FPGS: variants seen among roughly 807,000 people sequenced by gnomAD.
The protein encoded by FPGS is folylpolyglutamate synthase, mitochondrial.
In FPGS, 53 loss-of-function variants were observed where a neutral mutation model predicts 66.5. The ratio of observed to expected loss-of-function variants is 0.80; its 90% CI spans 0.64 to 1.00. The LOEUF (loss-of-function observed/expected upper bound fraction) is 1.00. Ranked by LOEUF, FPGS falls within the 50% of genes least tolerant of loss-of-function variation. The pLI is 0.00. For missense variants in FPGS, 702 were observed against 807.7 expected, an observed-to-expected ratio of 0.87 and a Z score of 1.59; for synonymous variants, 348 against 350.9, an observed-to-expected ratio of 0.99 and a Z score of 0.09.
Position 127,807,196 on chromosome 9 carries a change from C to T in FPGS, c.502-13C>T. The T allele has an allele frequency of 1.2e-6, 2 of 1,613,984 alleles. No homozygotes were observed. Among genetic ancestry groups the T allele is most frequent in the African/African-American group, 1.3e-5 (1 of 75,038 alleles). On this transcript the variant is annotated splice_polypyrimidine_tract_variant and intron_variant, in intron 5 of 14. Coordinates refer to ENST00000373247, the MANE Select transcript of FPGS (RefSeq NM_004957.6). This position sits in a 1 kb window ranked among gnomAD's most constrained non-coding sequence, Gnocchi z 5.8. ...GCATGGGCTCTGGGCCCTGACATGT[C>T]CCTGTGCCACAGGATGGCAGCTGTG...
At position 127,813,550 on chromosome 9, in the gene FPGS, C is replaced by A; in HGVS notation, c.1710C>A (p.Ser570Arg). ...CCATCCATGTGCTAGTCACTGGCAG[C>A]CTGCACCTGGTGGGTGGTGTCCTGA... ...AAAIHVLVTGSLHLVGGVLKL... is the reference protein window; with the variant it reads ...AAAIHVLVTGRLHLVGGVLKL... Residue 570 changes from serine to arginine, a missense_variant, in exon 15 of 15, where the codon AGC (serine) becomes AGA (arginine). Around this residue, in one of 3 missense-constraint regions of FPGS, gnomAD observed 351 missense variants for 363.7 expected, o/e 0.97. Coordinates refer to ENST00000373247, the MANE Select transcript of FPGS (RefSeq NM_004957.6). 2 of 1,596,760 alleles carry A rather than the reference C, an allele frequency of 1.3e-6. No individual in the cohort carries two copies. The highest frequency in any genetic ancestry group is 1.7e-5 in the Admixed American group (1 of 58,406).
chr9:127,810,905 T>C, intron 13 of FPGS, 40 bp from the exon 14 acceptor site: 1 of 1,189,846 alleles, frequency 8.4e-7, no homozygotes, highest in Non-Finnish European at 1.2e-6. Context: ...TGGACATCCT[T>C]TCGGGGGTCT....
chr9:127,806,924 G>A, intron 4 of FPGS, 49 bp from the exon 5 acceptor site: 1 of 1,417,958 alleles, frequency 7.1e-7, no homozygotes. Context: ...GTGGGGGAAG[G>A]CCAGGACGCT....
rs577706096 is a variant in FPGS at position 127,805,499 on chromosome 9, C to T, written c.386+799C>T. The stretch of plus-strand genomic sequence containing the variant: ...AAAGTCCAGGTTGAGTGTGGTGGCT[C>T]ACAACTGTAATCCTAGCACTTTGGG... On this transcript the variant is annotated intron_variant, in intron 4 of 14. Coordinates refer to ENST00000373247, the MANE Select transcript of FPGS (RefSeq NM_004957.6). Among the ~76,000 whole-genome samples the T allele has an allele frequency of 4.6e-5, 7 of 151,950 alleles. No homozygotes were observed. The East Asian group carries it at 1.2e-3, about 25-fold the overall frequency.
At chr9:127,808,162 G>C in intron 8 of FPGS, 72 bp from the exon 9 acceptor site, 1 of 1,137,380 alleles carries the variant, frequency 8.8e-7, no homozygotes, top group African/African-American at 1.5e-5. Context: ...CCAGACCCAG[G>C]GATGTGGGGG....
At chr9:127,804,890 A>AT (rs771028462) in intron 4 of FPGS, 190 bp downstream of exon 4, 97,093 of 469,550 alleles carry the variant, frequency 0.21, 1,238 homozygotes, top group African/African-American at 0.26. Context: ...GCAACCTTTA[A>AT]TTTTTTTTTT....
rs1363243577 is a variant in FPGS at position 127,813,975 on chromosome 9, C to T, written c.*371C>T. 3 of 1,061,774 alleles carry T rather than the reference C, an allele frequency of 2.8e-6. No individual in the cohort carries two copies. Among genetic ancestry groups the T allele is most frequent in the South Asian group, 9.0e-5 (2 of 22,114 alleles). The allele number at this position is 1,061,774 out of a possible 1,614,324, so 65.8% of individuals were successfully genotyped here. On this transcript the variant is annotated 3_prime_UTR_variant, in exon 15 of 15. Transcript: ENST00000373247. ...GGTGGTAGATTTCCTCCTCCCAGTGCCTTCTGGGAAGGGAGAGGGCCTCTG... is the reference window on the plus strand; with the variant it reads ...GGTGGTAGATTTCCTCCTCCCAGTGTCTTCTGGGAAGGGAGAGGGCCTCTG...
intron 4 of FPGS, among the ~76,000 whole-genome samples, chr9:127,806,060 C>T (rs1216696793): frequency 6.6e-6 from 1 of 152,158 alleles, no homozygotes; most frequent in African/African-American, 2.4e-5. Flanking sequence ...CATAAGGCAC[C>T]AACCTGTCTT....
At chr9:127,806,662 A>C in intron 4 of FPGS, 1 of 365,304 alleles carries the variant, frequency 2.7e-6, no homozygotes, top group East Asian at 5.0e-5. Flanking sequence ...ATTGTGGGAC[A>C]GATGTCAGCA....
chr9:127,813,841 G>C lies in FPGS; in HGVS notation c.*237G>C, dbSNP rs1312007809. ...GCTCCCCGGGTCTCTCACTGTTGCAGTGGCCTGGCCGTTCAGCCTGTCTCC... is the reference window on the plus strand; with the variant it reads ...GCTCCCCGGGTCTCTCACTGTTGCACTGGCCTGGCCGTTCAGCCTGTCTCC... On this transcript the variant is annotated 3_prime_UTR_variant, in exon 15 of 15. Transcript: ENST00000373247. 1 of 1,248,390 alleles carries C rather than the reference G, an allele frequency of 8.0e-7. No homozygotes were observed. Among genetic ancestry groups the C allele is most frequent in the African/African-American group, 1.6e-5 (1 of 64,402 alleles). 77.3% of individuals were successfully genotyped at this position (1,248,390 alleles called of 1,614,324 possible).
In FPGS at chr9:127,804,494, C is replaced by T. The variant is rs374148312; in HGVS notation, c.268-5C>T. ...TGAGGCAGGGACCTTGTCTGTCTGT[C>T]CCAGGTGGAGGACTTGGACCGGCTG... On this transcript the variant is annotated splice_region_variant and splice_polypyrimidine_tract_variant and intron_variant, in intron 2 of 14. Transcript: ENST00000373247. The T allele has an allele frequency of 5.6e-6, 9 of 1,614,096 alleles. No homozygotes were observed. The highest frequency in any genetic ancestry group is 7.6e-6 in the Non-Finnish European group (9 of 1,179,978).
At position 127,804,859 on chromosome 9, in the gene FPGS, C is replaced by G; in HGVS notation, c.386+159C>G. 8 of 681,822 alleles carry G rather than the reference C, an allele frequency of 1.2e-5. 1 individual carries two copies. The highest frequency in any genetic ancestry group is 7.0e-5 in the South Asian group (4 of 56,990). 42.2% of individuals were successfully genotyped at this position (681,822 alleles called of 1,614,324 possible). A position where few individuals can be genotyped will look rare whatever the true frequency, so the allele number is the denominator to read the frequency against. On this transcript the variant is annotated intron_variant, in intron 4 of 14. Coordinates refer to ENST00000373247, the MANE Select transcript of FPGS (RefSeq NM_004957.6). The stretch of plus-strand genomic sequence containing the variant: ...TCAATAAACATTCAGTTAGCACTTA[C>G]CATATTGGCCCATGTTTATGGCAAC...
In FPGS at chr9:127,807,937, C is replaced by G. The variant is rs1291164501; in HGVS notation, c.744+249C>G. The G allele has an allele frequency of 1.9e-5, 11 of 565,310 alleles. No individual in the cohort carries two copies. The highest frequency in any genetic ancestry group is 3.3e-5 in the Admixed American group (1 of 30,594). The allele number at this position is 565,310 out of a possible 1,614,324, so 35.0% of individuals were successfully genotyped here. On this transcript the variant is annotated intron_variant, in intron 8 of 14. Coordinates refer to ENST00000373247, the MANE Select transcript of FPGS (RefSeq NM_004957.6). This position sits in a 1 kb window ranked among gnomAD's most constrained non-coding sequence, Gnocchi z 5.8. ...CCTGACCAATATGGGGAAACTCTGT[C>G]TCTACTAAAAATACAAAAATTAGCC...
chr9:127,810,007 C>T (rs1292729183), intron 12 of FPGS, 24 bp from the exon 13 acceptor site: 6 of 1,602,442 alleles, frequency 3.7e-6, no homozygotes, highest in Non-Finnish European at 5.1e-6. Context: ...CGCCCTTTGA[C>T]CCAGCTCCTC....
intron 1 of FPGS, among the ~76,000 whole-genome samples, chr9:127,803,783 C>A (rs1413674515): frequency 6.6e-6 from 1 of 152,176 alleles, no homozygotes; most frequent in East Asian, 1.9e-4. Flanking sequence ...GCCTTCCTGG[C>A]TGAGTGACCC....
chr9:127,808,949 T>A, intron 11 of FPGS, 60 bp downstream of exon 11: 2 of 831,820 alleles, frequency 2.4e-6, no homozygotes, highest in Non-Finnish European at 3.3e-6. Flanking sequence ...CCTTCAGATT[T>A]TTTTTTTTTT....
intron 14 of FPGS, 64 bp from the exon 15 acceptor site, chr9:127,813,131 T>C (rs1415167079): frequency 6.7e-7 from 1 of 1,499,774 alleles, no homozygotes; most frequent in Non-Finnish European, 8.9e-7. Flanking sequence ...ACCCGCCCCT[T>C]TCTCCACCCC....
Position 127,813,684 on chromosome 9 carries a change from G to T in FPGS, c.*80G>T. 5 of 1,442,374 alleles carry T rather than the reference G, an allele frequency of 3.5e-6. No homozygotes were observed. Among genetic ancestry groups the T allele is most frequent in the Non-Finnish European group, 4.6e-6 (5 of 1,098,204 alleles). The allele number at this position is 1,442,374 out of a possible 1,614,324, so 89.3% of individuals were successfully genotyped here. A position where few individuals can be genotyped will look rare whatever the true frequency, so the allele number is the denominator to read the frequency against. On this transcript the variant is annotated 3_prime_UTR_variant, in exon 15 of 15. Coordinates refer to ENST00000373247, the MANE Select transcript of FPGS (RefSeq NM_004957.6). ...TGAACTTACATACTAGGTGCCTTTT[G>T]TTTTTGGCTTTCCTGGTTCTGTCTA...
At position 127,813,936 on chromosome 9, in the gene FPGS, C is replaced by T. The variant is rs1055770816; in HGVS notation, c.*332C>T. The T allele has an allele frequency of 3.7e-5, 42 of 1,121,186 alleles. No individual in the cohort carries two copies. The African/African-American group carries it at 6.6e-4, about 18-fold the overall frequency. The allele number at this position is 1,121,186 out of a possible 1,614,324, so 69.5% of individuals were successfully genotyped here. ...TGCGCTGCCTGGCCAGGCCCTGGGT[C>T]TTGCCATGTGCTGGGTGGTAGATTT... On this transcript the variant is annotated 3_prime_UTR_variant, in exon 15 of 15. Transcript: ENST00000373247.
Sources: allele counts gnomAD v4.1 joint callset (sites outside exome capture counted in the v4.1 genomes callset), GRCh38; gene constraint gnomAD v4.1.1; regional missense constraint gnomAD v4.1.1; non-coding constraint Gnocchi (gnomAD v3.1); transcripts MANE v1.5; gene names NCBI Gene and HGNC (gene_info 2026-07-23, HGNC 2026-07-21).